WDR70: variants seen among roughly 807,000 people sequenced by gnomAD.
WDR70 encodes the protein WD repeat domain 70.
Under a neutral mutation model 88.6 loss-of-function variants are expected in WDR70, and 53 were observed. That is an observed-to-expected ratio of 0.60 (90% confidence interval 0.48 to 0.75). WDR70 has a LOEUF of 0.75. WDR70 is among the 30% of genes least tolerant of loss of function. The pLI is 0.00. For synonymous variants in WDR70, 280 were observed against 270.0 expected (o/e 1.04, Z -0.36); for missense variants, 610 against 823.2 (o/e 0.74, Z 3.17).
intron 8 of WDR70, among the ~76,000 whole-genome samples, chr5:37,503,443 C>G (rs1740463202): frequency 6.6e-6 from 1 of 152,118 alleles, no homozygotes; most frequent in South Asian, 2.1e-4. Flanking sequence ...TGATAGGCCC[C>G]AGTTTGTGTT....
At chr5:37,547,676 G>T (rs544192615) in intron 9 of WDR70, among the ~76,000 whole-genome samples, 1 of 151,868 alleles carries the variant, frequency 6.6e-6, no homozygotes, top group African/African-American at 2.4e-5. Flanking sequence ...TTAAATGTAC[G>T]ATTAAATGAT....
chr5:37,689,452 A>G (rs940334537), intron 10 of WDR70, among the ~76,000 whole-genome samples: 1 of 152,162 alleles, frequency 6.6e-6, no homozygotes, highest in Non-Finnish European at 1.5e-5. Context: ...CAGACACCTC[A>G]TATAGGTGGG....
intron 10 of WDR70, among the ~76,000 whole-genome samples, chr5:37,678,272 T>A (rs1200336067): frequency 6.6e-6 from 1 of 152,214 alleles, no homozygotes; most frequent in African/African-American, 2.4e-5. Flanking sequence ...GATCCTGTCA[T>A]CATGATGTTA....
chr5:37,598,235 GT>G (rs33948943), intron 9 of WDR70, among the ~76,000 whole-genome samples: 16,816 of 152,122 alleles, frequency 0.11, 2,997 homozygotes, highest in African/African-American at 0.38. Context: ...AATTATGATA[GT>G]TTTTTTAAAT....
intron 8 of WDR70, chr5:37,506,157 T>A: frequency 9.5e-7 from 1 of 1,057,848 alleles, no homozygotes. Flanking sequence ...GTATCGAAGG[T>A]CCTAACGAGA....
At chr5:37,634,982 C>T (rs1483051786) in intron 10 of WDR70, among the ~76,000 whole-genome samples, 1 of 152,084 alleles carries the variant, frequency 6.6e-6, no homozygotes, top group Non-Finnish European at 1.5e-5. Context: ...ACCCTCTTTC[C>T]CTAGATCCTA....
chr5:37,695,127 G>C (rs936730682), intron 10 of WDR70, among the ~76,000 whole-genome samples: 2 of 152,162 alleles, frequency 1.3e-5, no homozygotes, highest in Non-Finnish European at 2.9e-5. Context: ...AGAAGGCAAA[G>C]GGGGAGTGAG....
chr5:37,382,030 G>A (rs1057060793), intron 3 of WDR70, among the ~76,000 whole-genome samples: 1 of 152,122 alleles, frequency 6.6e-6, no homozygotes, highest in Non-Finnish European at 1.5e-5. Context: ...TCCAGCTTGG[G>A]GGACAAGAGT....
In WDR70 at chr5:37,546,863, G is replaced by A. The variant is rs889060313; in HGVS notation, c.917+30273G>A. On this transcript the variant is annotated intron_variant, in intron 9 of 17. Coordinates refer to ENST00000265107, the MANE Select transcript of WDR70 (RefSeq NM_018034.4). ...AACCTGGGAGGCAGAGTTGCAGTGAGCTGAGACCATGCCACTGCACTCCAG... is the reference window on the plus strand; with the variant it reads ...AACCTGGGAGGCAGAGTTGCAGTGAACTGAGACCATGCCACTGCACTCCAG... 3.1e-4 allele frequency among the ~76,000 whole-genome samples: 47 copies of A among 151,844 alleles called. 1 individual carries two copies. Among genetic ancestry groups the A allele is most frequent in the Non-Finnish European group, 6.5e-4 (44 of 67,972 alleles).
chr5:37,717,862 TAAAC>T (rs1747695064), intron 13 of WDR70, among the ~76,000 whole-genome samples: 1 of 152,198 alleles, frequency 6.6e-6, no homozygotes, highest in Middle Eastern at 3.2e-3. Flanking sequence ...TAAATATTAA[TAAAC>T]AAAAAAGGCC....
chr5:37,413,964 G>A (rs1047546257), intron 5 of WDR70, among the ~76,000 whole-genome samples: 5 of 151,620 alleles, frequency 3.3e-5, no homozygotes, highest in African/African-American at 1.2e-4. Flanking sequence ...TGACCAACAC[G>A]GAGAAACCCT....
At chr5:37,409,154 G>A (rs1242921389) in intron 5 of WDR70, among the ~76,000 whole-genome samples, 8 of 152,052 alleles carry the variant, frequency 5.3e-5, no homozygotes, top group Non-Finnish European at 1.2e-4. Flanking sequence ...GGTCAGGCTG[G>A]TCTCGAACTC....
At chr5:37,593,229 A>G (rs1193912448) in intron 9 of WDR70, among the ~76,000 whole-genome samples, 1 of 152,152 alleles carries the variant, frequency 6.6e-6, no homozygotes, top group African/African-American at 2.4e-5. Context: ...ACATAGGTAT[A>G]CATGTGCCAT....
intron 8 of WDR70, among the ~76,000 whole-genome samples, chr5:37,512,123 G>T (rs1740738512): frequency 6.6e-6 from 1 of 152,066 alleles, no homozygotes; most frequent in Non-Finnish European, 1.5e-5. Flanking sequence ...CTGGTGACTC[G>T]GGGTATTCCT....
At chr5:37,601,622 G>T (rs1320606341) in intron 9 of WDR70, among the ~76,000 whole-genome samples, 1 of 152,022 alleles carries the variant, frequency 6.6e-6, no homozygotes, top group East Asian at 1.9e-4. Context: ...TAACTCTTTG[G>T]TAGAATTTAT....
rs974071557 is a variant in WDR70 at position 37,674,131 on chromosome 5, C to T, written c.1093-23524C>T. Among the ~76,000 whole-genome samples, 3 of 152,018 alleles carry T rather than the reference C, an allele frequency of 2.0e-5. No individual in the cohort carries two copies. In the South Asian group the frequency reaches 6.2e-4, roughly 32 times the overall value. On this transcript the variant is annotated intron_variant, in intron 10 of 17. Transcript: ENST00000265107. ...TGATTAATATTCCTTTAGATATGTACACAGTAATGGGATTGATGGGTCAAA... is the reference window on the plus strand; with the variant it reads ...TGATTAATATTCCTTTAGATATGTATACAGTAATGGGATTGATGGGTCAAA...
At chr5:37,639,611 A>G (rs988838527) in intron 10 of WDR70, among the ~76,000 whole-genome samples, 1 of 151,878 alleles carries the variant, frequency 6.6e-6, no homozygotes, top group Non-Finnish European at 1.5e-5. Flanking sequence ...GACCTTTTAC[A>G]TGTTAGTTGG....
intron 7 of WDR70, among the ~76,000 whole-genome samples, chr5:37,471,885 G>A (rs1161013556): frequency 1.3e-5 from 2 of 151,838 alleles, no homozygotes; most frequent in African/African-American, 4.9e-5. Flanking sequence ...CATAAATCAG[G>A]TGGTCTTTTT....
At chr5:37,470,891 CT>C (rs200827780) in intron 7 of WDR70, among the ~76,000 whole-genome samples, 61,984 of 145,122 alleles carry the variant, frequency 0.43, 14,053 homozygotes, top group Non-Finnish European at 0.53. Context: ...GCAAGTACTT[CT>C]TTTTTTTTTT....
Sources: allele counts gnomAD v4.1 joint callset (sites outside exome capture counted in the v4.1 genomes callset), GRCh38; gene constraint gnomAD v4.1.1; transcripts MANE v1.5; gene names NCBI Gene and HGNC (gene_info 2026-07-23, HGNC 2026-07-21).